The following ARL15 variants were observed in gnomAD, a reference collection of about 807,000 sequenced individuals.
ARL15 encodes ADP-ribosylation factor-like protein 15.
A neutral mutation model predicts 25.2 loss-of-function variants in ARL15; 19 were observed. The ratio of observed to expected loss-of-function variants is 0.75; its 90% CI spans 0.53 to 1.10. The LOEUF (loss-of-function observed/expected upper bound fraction) is 1.10. Ranked by LOEUF, ARL15 falls within the 50% of genes least tolerant of loss-of-function variation. The pLI, the probability that ARL15 is intolerant of heterozygous loss-of-function variation, is 0.00. For missense variants in ARL15, 220 were observed against 246.0 expected, an observed-to-expected ratio of 0.89 and a Z score of 0.71; for synonymous variants, 94 against 86.8, an observed-to-expected ratio of 1.08 and a Z score of -0.46.
intron 3 of ARL15, among the ~76,000 whole-genome samples, chr5:54,117,445 CT>C (rs11305917): frequency 0.25 from 37,154 of 150,470 alleles, 5,661 homozygotes; most frequent in Admixed American, 0.38. Context: ...AAAAATGTCC[CT>C]TATATGACAT....
intron 3 of ARL15, among the ~76,000 whole-genome samples, chr5:54,142,883 A>C (rs958946166): frequency 6.6e-6 from 1 of 152,130 alleles, no homozygotes; most frequent in South Asian, 2.1e-4. Context: ...TAGAAGTTTT[A>C]TTGTTTTAGG....
chr5:54,064,359 T>A (rs1176589765), intron 4 of ARL15, among the ~76,000 whole-genome samples: 1 of 152,072 alleles, frequency 6.6e-6, no homozygotes, highest in African/African-American at 2.4e-5. Flanking sequence ...CCCCCAGCCT[T>A]AAACAAAAAA....
intron 4 of ARL15, among the ~76,000 whole-genome samples, chr5:53,968,779 G>A (rs1184203103): frequency 2.6e-5 from 4 of 151,930 alleles, no homozygotes; most frequent in Non-Finnish European, 5.9e-5. Context: ...AAAGTGCTGG[G>A]ATTACAGGCG....
chr5:54,279,484 CTCT>C (rs1350737105), intron 1 of ARL15, among the ~76,000 whole-genome samples: 1 of 152,260 alleles, frequency 6.6e-6, no homozygotes, highest in African/African-American at 2.4e-5. Flanking sequence ...CCTTCGGTGT[CTCT>C]TCTTATAAGA....
chr5:54,079,170 T>C (rs1222794117), intron 4 of ARL15, among the ~76,000 whole-genome samples: 1 of 152,210 alleles, frequency 6.6e-6, no homozygotes, highest in Non-Finnish European at 1.5e-5. Context: ...AATTCCTATA[T>C]TATACCATTA....
chr5:54,056,791 GCT>G (rs1167940795), intron 4 of ARL15, among the ~76,000 whole-genome samples: 14 of 152,046 alleles, frequency 9.2e-5, no homozygotes, highest in African/African-American at 3.4e-4. Flanking sequence ...TTGAATCCTA[GCT>G]CTGTCTTTTA....
chr5:53,938,072 T>A (rs746083182), intron 4 of ARL15, among the ~76,000 whole-genome samples: 1 of 152,136 alleles, frequency 6.6e-6, no homozygotes, highest in Non-Finnish European at 1.5e-5. Flanking sequence ...TTTCTCTTGA[T>A]CCAGAGGCTT....
At chr5:54,074,813 T>G (rs1354929917) in intron 4 of ARL15, among the ~76,000 whole-genome samples, 1 of 151,912 alleles carries the variant, frequency 6.6e-6, no homozygotes, top group Non-Finnish European at 1.5e-5. Flanking sequence ...AATGCTCAAA[T>G]AAAAGACACA....
At chr5:53,959,557 C>T (rs1012218203) in intron 4 of ARL15, among the ~76,000 whole-genome samples, 1 of 152,030 alleles carries the variant, frequency 6.6e-6, no homozygotes, top group Non-Finnish European at 1.5e-5. Context: ...GAGAGAGTAA[C>T]CTGGAGGATT....
At chr5:54,067,411 T>A (rs1751274919) in intron 4 of ARL15, among the ~76,000 whole-genome samples, 1 of 152,174 alleles carries the variant, frequency 6.6e-6, no homozygotes, top group Admixed American at 6.5e-5. Flanking sequence ...TTCACAAGAG[T>A]AAGTATATAT....
At chr5:53,900,660 A>AC (rs776457801) in intron 4 of ARL15, among the ~76,000 whole-genome samples, 72 of 152,202 alleles carry the variant, frequency 4.7e-4, no homozygotes, top group Non-Finnish European at 9.3e-4. Flanking sequence ...AAAAGACAAC[A>AC]AAATATGTAC....
chr5:53,992,516 T>G (rs1358759791), intron 4 of ARL15, among the ~76,000 whole-genome samples: 1 of 152,260 alleles, frequency 6.6e-6, no homozygotes, highest in Non-Finnish European at 1.5e-5. Context: ...CCAAATGCAT[T>G]TTTAAACTGT....
intron 1 of ARL15, among the ~76,000 whole-genome samples, chr5:54,199,197 G>A: frequency 6.6e-6 from 1 of 152,088 alleles, no homozygotes; most frequent in Non-Finnish European, 1.5e-5. Context: ...AAAAACCCTA[G>A]AAGAAAACCT....
chr5:54,034,953 GCCA>G (rs1053110960), intron 4 of ARL15, among the ~76,000 whole-genome samples: 19 of 152,020 alleles, frequency 1.2e-4, no homozygotes, highest in African/African-American at 4.6e-4. Context: ...ACAGGTGTGA[GCCA>G]CCACACCTGG....
chr5:53,923,075 C>T (rs1252002433), intron 4 of ARL15, among the ~76,000 whole-genome samples: 1 of 152,198 alleles, frequency 6.6e-6, no homozygotes, highest in East Asian at 1.9e-4. Flanking sequence ...CTATAATCTA[C>T]ACCCTAAAGA....
intron 1 of ARL15, among the ~76,000 whole-genome samples, chr5:54,270,853 G>T (rs563921068): frequency 6.6e-6 from 1 of 152,374 alleles, no homozygotes; most frequent in Admixed American, 6.5e-5. Context: ...TTCCAGAGGA[G>T]ATTGGCATGT....
In ARL15 at chr5:53,910,493, T is replaced by C. The variant is rs373991786; in HGVS notation, c.463-23780A>G. 5.3e-5 allele frequency among the ~76,000 whole-genome samples: 8 copies of C among 152,000 alleles called. No individual in the cohort carries two copies. The East Asian group carries it at 5.8e-4, about 11-fold the overall frequency. On this transcript the variant is annotated intron_variant, in intron 4 of 4. Coordinates refer to ENST00000504924, the MANE Select transcript of ARL15 (RefSeq NM_019087.3). ...TCATTAGATCACTCAATGTCTTCTA[T>C]AGAAAACATCTTCTTAGAATTATGG... is the stretch of plus-strand genomic sequence containing the variant.
At chr5:54,258,705 GA>G (rs1757427175) in intron 1 of ARL15, among the ~76,000 whole-genome samples, 5 of 152,288 alleles carry the variant, frequency 3.3e-5, no homozygotes, top group African/African-American at 1.2e-4. Flanking sequence ...CACCAGATCA[GA>G]AGGGGAATGG....
At chr5:53,983,321 A>G (rs1748185449) in intron 4 of ARL15, among the ~76,000 whole-genome samples, 6 of 152,176 alleles carry the variant, frequency 3.9e-5, no homozygotes, top group Admixed American at 3.9e-4. Flanking sequence ...AAAATCATCA[A>G]TTGACTTAAT....
Sources: allele counts gnomAD v4.1 joint callset (sites outside exome capture counted in the v4.1 genomes callset), GRCh38; gene constraint gnomAD v4.1.1; transcripts MANE v1.5; gene names NCBI Gene and HGNC (gene_info 2026-07-23, HGNC 2026-07-21).